Variants in TRAP1 observed in about 807,000 individuals in gnomAD.
TRAP1 encodes the protein TNF receptor associated protein 1, also known as heat shock protein 75 kDa, mitochondrial.
TRAP1 carries 102 observed loss-of-function variants against 89.1 expected under a neutral mutation model. That is an observed-to-expected ratio of 1.15 (90% CI 0.98 to 1.35). The LOEUF is 1.35. Among genes scored for constraint, TRAP1 ranks in the 40% most tolerant of loss-of-function variants. The pLI is 0.00. For synonymous variants in TRAP1, 508 were observed against 388.0 expected, an observed-to-expected ratio of 1.31 and a Z score of -3.64; for missense variants, 1,256 against 945.3, an observed-to-expected ratio of 1.33 and a Z score of -4.31.
intron 2 of TRAP1, among the ~76,000 whole-genome samples, chr16:3,690,063 A>C (rs2151269454): frequency 6.6e-6 from 1 of 152,128 alleles, no homozygotes; most frequent in East Asian, 1.9e-4. Flanking sequence ...GCTGCTATGC[A>C]GTGGCAGGAT....
At chr16:3,697,133 A>T (rs145099271) in intron 1 of TRAP1, among the ~76,000 whole-genome samples, 1 of 152,198 alleles carries the variant, frequency 6.6e-6, no homozygotes, top group Admixed American at 6.5e-5. Context: ...ATCATCCTAC[A>T]TTCCTGCCAA....
At chr16:3,663,663 C>G in intron 13 of TRAP1, 101 bp from the exon 14 acceptor site, 1 of 1,499,082 alleles carries the variant, frequency 6.7e-7, no homozygotes, top group Non-Finnish European at 9.0e-7. Flanking sequence ...CCAAGCGGGC[C>G]ACACTGGGGA....
intron 14 of TRAP1, 73 bp downstream of exon 14, chr16:3,663,351 C>T: frequency 1.3e-6 from 2 of 1,584,764 alleles, no homozygotes; most frequent in South Asian, 1.1e-5. Flanking sequence ...CAAAGGAAGC[C>T]CTCGCTGCGG....
intron 16 of TRAP1, chr16:3,659,872 C>G (rs1007596393): frequency 6.6e-6 from 1 of 152,120 alleles, no homozygotes; most frequent in South Asian, 2.1e-4. Flanking sequence ...GCCTCAGCCT[C>G]CCAAGTAACT....
intron 3 of TRAP1, 36 bp downstream of exon 3, chr16:3,689,019 T>G: frequency 6.4e-7 from 1 of 1,565,928 alleles, no homozygotes; most frequent in Non-Finnish European, 8.7e-7. Flanking sequence ...GAAAAGAAAC[T>G]TTGCTAGCAT....
chr16:3,685,979 G>T lies in TRAP1; in HGVS notation c.471+17C>A. The T allele has an allele frequency of 3.1e-6, 5 of 1,612,768 alleles. No homozygotes were observed. The highest frequency in any genetic ancestry group is 4.2e-6 in the Non-Finnish European group (5 of 1,179,312). ...CATGGCCGGGCCTGCCACACGCCTG[G>T]ACACTGAGGGAGGTACCTGGATGGT... is the stretch of plus-strand genomic sequence containing the variant. On this transcript the variant is annotated intron_variant, in intron 4 of 17. Transcript: ENST00000246957.
chr16:3,695,966 G>C (rs1007541750), intron 1 of TRAP1, among the ~76,000 whole-genome samples: 1 of 152,176 alleles, frequency 6.6e-6, no homozygotes, highest in African/African-American at 2.4e-5. Flanking sequence ...TTTGCCATGT[G>C]TACAGACTGG....
Position 3,658,150 on chromosome 16 carries a change from G to C in TRAP1, c.2094C>G (p.Val698=). The part of the protein sequence containing the change: ...AMVGRLNELL[V]KALERH ...GCTGTCAGTGTCGCTCCAGGGCCTT[G>C]ACAAGCAGCTCATTCAAGCGGCCCA... Residue 698 remains valine (V), a synonymous_variant, in exon 18 of 18, where the codon GTC becomes GTG. Coordinates refer to ENST00000246957, the MANE Select transcript of TRAP1 (RefSeq NM_016292.3). 6.2e-7 allele frequency: 1 copy of C among 1,614,084 alleles called. No individual in the cohort carries two copies.
chr16:3,684,667 G>A (rs8048647), intron 4 of TRAP1, among the ~76,000 whole-genome samples: 9,449 of 152,062 alleles, frequency 0.062, 910 homozygotes, highest in African/African-American at 0.21. Context: ...GCACACATCC[G>A]TAATCCCAGC....
chr16:3,691,467 C>T (rs1055325360), intron 1 of TRAP1, among the ~76,000 whole-genome samples: 12 of 152,260 alleles, frequency 7.9e-5, no homozygotes, highest in Middle Eastern at 3.4e-3. Flanking sequence ...ACCATCTTCC[C>T]GCCTTGGCCT....
chr16:3,672,703 G>C lies in TRAP1; in HGVS notation c.1162C>G (p.Arg388Gly). The C allele has an allele frequency of 6.2e-7, 1 of 1,607,648 alleles. No individual in the cohort carries two copies. The highest frequency in any genetic ancestry group is 8.5e-7 in the Non-Finnish European group (1 of 1,177,592). ...TCACGGACTCTGAGCAGCGTACCTCGGATGAAGCGCAGCCACTTGGGCAGG... is the reference window on the plus strand; with the variant it reads ...TCACGGACTCTGAGCAGCGTACCTCCGATGAAGCGCAGCCACTTGGGCAGG... ...DILPKWLRFI[R>G]GVVDSEDIPL... The change falls in exon 10 of 18, where the codon CGA becomes GGA. Residue 388 changes from arginine to glycine, a missense_variant. Arg to Gly is a moderately radical substitution (Grantham distance 125). Transcript: ENST00000246957.
At position 3,672,802 on chromosome 16, in the gene TRAP1, C is replaced by T. The variant is rs1160570420; in HGVS notation, c.1063G>A (p.Val355Met). The change falls in exon 10 of 18, where the codon GTG (valine) becomes ATG (methionine). Residue 355 changes from valine to methionine, a missense_variant. Coordinates refer to ENST00000246957, the MANE Select transcript of TRAP1 (RefSeq NM_016292.3). ...VPDMKPSMFDVSRELGSSVAL... is the reference protein window; with the variant it reads ...VPDMKPSMFDMSRELGSSVAL... Reference sequence around the variant, plus strand: ...ACGCTGGAGCCCAGCTCCCGGCTCACATCAAACATGGACGGTTTCTGGGGG... The same window carrying T: ...ACGCTGGAGCCCAGCTCCCGGCTCATATCAAACATGGACGGTTTCTGGGGG... The T allele has an allele frequency of 6.2e-7, 1 of 1,613,184 alleles. No individual in the cohort carries two copies.
chr16:3,689,402 G>A (rs574818898), intron 2 of TRAP1, among the ~76,000 whole-genome samples: 11 of 151,992 alleles, frequency 7.2e-5, no homozygotes, highest in Non-Finnish European at 1.5e-4. Context: ...CTGCCACCAC[G>A]CCCGGCTAAT....
chr16:3,661,728 A>G (rs2043087288), intron 16 of TRAP1: 1 of 398,364 alleles, frequency 2.5e-6, no homozygotes, highest in African/African-American at 2.1e-5. Context: ...ACAGGTGGCA[A>G]AGCCATAAAG....
chr16:3,672,558 G>C, intron 10 of TRAP1, 142 bp downstream of exon 10: 2 of 1,337,724 alleles, frequency 1.5e-6, no homozygotes, highest in Middle Eastern at 2.7e-4. Context: ...CTGTAAACGC[G>C]ACTGACACAC....
chr16:3,708,174 G>C (rs1010486516), intron 1 of TRAP1, among the ~76,000 whole-genome samples: 1 of 151,938 alleles, frequency 6.6e-6, no homozygotes, highest in African/African-American at 2.4e-5. Flanking sequence ...CTCCAGCCCG[G>C]ATGACAAAGC....
At chr16:3,694,470 A>G (rs1381897132) in intron 1 of TRAP1, among the ~76,000 whole-genome samples, 1 of 151,638 alleles carries the variant, frequency 6.6e-6, no homozygotes, top group African/African-American at 2.4e-5. Flanking sequence ...CAGCCTCCCT[A>G]GTAGCTGGGA....
intron 1 of TRAP1, chr16:3,704,386 C>T (rs1024029540): frequency 5.3e-5 from 8 of 152,050 alleles, no homozygotes; most frequent in African/African-American, 1.7e-4. Context: ...TAAAAACTTA[C>T]GAGAAACATA....
chr16:3,714,408 C>G (rs1178265507), intron 1 of TRAP1, among the ~76,000 whole-genome samples: 2 of 152,328 alleles, frequency 1.3e-5, no homozygotes, highest in East Asian at 3.9e-4. Context: ...CGCCTGTAAT[C>G]CCAGCATTTT....
Sources: gnomAD v4.1 joint callset for allele counts (sites outside exome capture counted in the v4.1 genomes callset) on GRCh38, gnomAD v4.1.1 for gene constraint, MANE v1.5 for transcripts, NCBI Gene and HGNC (gene_info 2026-07-23, HGNC 2026-07-21) for gene names.